Variants in PGBD1 observed in about 807,000 individuals in gnomAD.
PGBD1 encodes piggyBac transposable element derived 1, also known as piggyBac transposable element-derived protein 1.
Under a neutral mutation model 34.7 loss-of-function variants are expected in PGBD1, and 25 were observed. The observed-to-expected ratio is 0.72, with a 90% CI of 0.52 to 1.00. The LOEUF (loss-of-function observed/expected upper bound fraction) is 1.00, where lower values mean the gene tolerates loss of function less well. Among genes scored for constraint, PGBD1 ranks in the 50% least tolerant of loss-of-function variants. The pLI, the probability that PGBD1 is intolerant of heterozygous loss-of-function variation, is 0.00. For synonymous variants in PGBD1, 292 were observed against 335.7 expected (o/e 0.87, Z 1.42); for missense variants, 830 against 959.4 (o/e 0.87, Z 1.78).
intron 4 of PGBD1, among the ~76,000 whole-genome samples, chr6:28,293,807 TTTTCC>T (rs1450004097): frequency 1.3e-5 from 2 of 152,206 alleles, no homozygotes; most frequent in African/African-American, 4.8e-5. Flanking sequence ...CCCTCATCTC[TTTTCC>T]TTTCCTTGGT....
In PGBD1 at chr6:28,300,926, T is replaced by C; in HGVS notation, c.1072T>C (p.Ser358Pro). ...AGTGAGTGAACTGCTCCAAGGCCTC[T>C]CATTCTCTGGTGACTCAGATGTGGA... is the stretch of plus-strand genomic sequence containing the variant. ...ARVSELLQGL[S>P]FSGDSDVEKD... Residue 358 changes from serine (S) to proline (P), a missense_variant, in exon 7 of 7, where the codon TCA becomes CCA. Ser to Pro is a moderately conservative substitution (Grantham distance 74, BLOSUM62 -1). This residue lies in a region of PGBD1 where 457 missense variants were observed against 515.4 expected (regional missense o/e 0.89). Transcript: ENST00000682144. This position sits in a 1 kb window ranked among gnomAD's most constrained non-coding sequence, Gnocchi z 4.0. The C allele has an allele frequency of 6.2e-7, 1 of 1,614,124 alleles. No individual in the cohort carries two copies. Among genetic ancestry groups the C allele is most frequent in the Non-Finnish European group, 8.5e-7 (1 of 1,180,026 alleles).
intron 4 of PGBD1, among the ~76,000 whole-genome samples, chr6:28,295,833 C>T (rs1762612312): frequency 6.6e-6 from 1 of 151,982 alleles, no homozygotes; most frequent in Non-Finnish European, 1.5e-5. Context: ...CTGAGGTAGG[C>T]CTATGTTTAA....
chr6:28,294,719 G>A (rs973604259), intron 4 of PGBD1, among the ~76,000 whole-genome samples: 1 of 152,106 alleles, frequency 6.6e-6, no homozygotes, highest in African/African-American at 2.4e-5. Context: ...CTACTGTTGA[G>A]ACATACTACT....
At position 28,301,925 on chromosome 6, in the gene PGBD1, G is replaced by A. The variant is rs1320752051; in HGVS notation, c.2071G>A (p.Gly691Arg). The A allele has an allele frequency of 6.2e-7, 1 of 1,614,138 alleles. No individual in the cohort carries two copies. Among genetic ancestry groups the A allele is most frequent in the African/African-American group, 1.3e-5 (1 of 75,044 alleles). Residue 691 changes from glycine (G) to arginine (R), a missense_variant, in exon 7 of 7, where the codon GGG becomes AGG. Around this residue, in one of 3 missense-constraint regions of PGBD1, gnomAD observed 372 missense variants for 427.9 expected, o/e 0.87. Transcript: ENST00000682144. ...NNEIILCRWY[G>R]DGIISLCSNA... The stretch of plus-strand genomic sequence containing the variant: ...TGAGATAATTTTGTGTCGTTGGTAT[G>A]GGGATGGCATTATCAGTCTGTGCTC...
At chr6:28,299,722 G>A (rs992431426) in intron 6 of PGBD1, among the ~76,000 whole-genome samples, 3 of 152,160 alleles carry the variant, frequency 2.0e-5, no homozygotes, top group African/African-American at 7.2e-5. Context: ...ATACTTTTCA[G>A]TTGGGTGCAG....
chr6:28,291,466 A>G (rs1022774277), intron 4 of PGBD1, among the ~76,000 whole-genome samples: 3 of 152,006 alleles, frequency 2.0e-5, no homozygotes, highest in Non-Finnish European at 4.4e-5. Flanking sequence ...CTTCCATCAA[A>G]GAAAAGCCCA....
At chr6:28,297,845 T>TTTTAAAAATAAAA in intron 5 of PGBD1, 50 bp from the exon 6 acceptor site, 1 of 283,634 alleles carries the variant, frequency 3.5e-6, no homozygotes, top group Non-Finnish European at 6.6e-6. Flanking sequence ...TTTTTTTTTT[T>TTTTAAAAATAAAA]CAAAATTCAC....
At chr6:28,286,989 A>G in intron 3 of PGBD1, 91 bp from the exon 4 acceptor site, 1 of 951,000 alleles carries the variant, frequency 1.1e-6, no homozygotes, top group South Asian at 1.3e-5. Context: ...TTTAACAAAC[A>G]TAACATTTGG....
intron 4 of PGBD1, among the ~76,000 whole-genome samples, chr6:28,295,337 G>A (rs1033616200): frequency 1.3e-4 from 20 of 152,198 alleles, no homozygotes; most frequent in African/African-American, 4.3e-4. Flanking sequence ...TTAAATAAAC[G>A]TAGTTGATAA....
intron 2 of PGBD1, among the ~76,000 whole-genome samples, chr6:28,285,301 C>T (rs555549095): frequency 6.6e-6 from 1 of 152,292 alleles, no homozygotes; most frequent in South Asian, 2.1e-4. Context: ...TTACCATTTT[C>T]CCCTTTGTAA....
In PGBD1 at chr6:28,283,943, C is replaced by T. The variant is rs143001863; in HGVS notation, c.130C>T (p.Arg44Cys). ...EGSSHTQEICRLRFRHFCYQE... is the reference protein window; with the variant it reads ...EGSSHTQEICCLRFRHFCYQE... ...CAGCTCCCACACTCAGGAGATTTGC[C>T]GCCTGCGCTTTCGGCACTTCTGCTA... Residue 44 changes from arginine to cysteine, a missense_variant, in exon 2 of 7, where the codon CGC becomes TGC. This residue lies in a region of PGBD1 where 457 missense variants were observed against 515.4 expected (regional missense o/e 0.89). Coordinates refer to ENST00000682144, the MANE Select transcript of PGBD1 (RefSeq NM_032507.4). The T allele has an allele frequency of 3.2e-5, 51 of 1,614,044 alleles. No homozygotes were observed. Among genetic ancestry groups the T allele is most frequent in the African/African-American group, 8.0e-5 (6 of 74,906 alleles).
intron 4 of PGBD1, among the ~76,000 whole-genome samples, chr6:28,290,977 T>A (rs1482285437): frequency 2.0e-5 from 3 of 151,746 alleles, no homozygotes; most frequent in African/African-American, 7.3e-5. Flanking sequence ...TTTATAGCAA[T>A]AAACACCTAT....
At chr6:28,285,445 TTTC>T in intron 2 of PGBD1, 103 bp from the exon 3 acceptor site, 1 of 1,242,944 alleles carries the variant, frequency 8.0e-7, no homozygotes, top group Non-Finnish European at 1.1e-6. Flanking sequence ...TTGCCTGTCT[TTTC>T]TGCCTTGTTT....
intron 4 of PGBD1, 40 bp downstream of exon 4, chr6:28,287,208 G>T (rs749632377): frequency 6.0e-6 from 9 of 1,501,558 alleles, no homozygotes; most frequent in Non-Finnish European, 8.4e-6. Context: ...ATCAGTAGTG[G>T]TCTTTCTCCC....
chr6:28,283,771 T>TATAGA lies in PGBD1; in HGVS notation c.-38-4_-38dup, dbSNP rs777792711. On this transcript the variant is annotated splice_region_variant and splice_polypyrimidine_tract_variant and intron_variant, in intron 1 of 6. Transcript: ENST00000682144. ...TATGCCTCAGATCTCTATTTCTGAA[T>TATAGA]ATAGACCCCAAGCTAAGTGAAGCTT... The TATAGA allele has an allele frequency of 5.9e-6, 9 of 1,519,386 alleles. No individual in the cohort carries two copies. Among genetic ancestry groups the TATAGA allele is most frequent in the Non-Finnish European group, 6.2e-6 (7 of 1,134,506 alleles). 94.1% of individuals were successfully genotyped at this position (1,519,386 alleles called of 1,614,324 possible).
chr6:28,297,845 T>TTTAAAATAAAA, intron 5 of PGBD1, 50 bp from the exon 6 acceptor site: 2 of 283,632 alleles, frequency 7.1e-6, no homozygotes, highest in Non-Finnish European at 6.6e-6. Context: ...TTTTTTTTTT[T>TTTAAAATAAAA]CAAAATTCAC....
Position 28,284,036 on chromosome 6 carries a change from C to A in PGBD1, c.223C>A (p.Pro75Thr), listed in dbSNP as rs915644133. 2.5e-6 allele frequency: 4 copies of A among 1,614,130 alleles called. No homozygotes were observed. The highest frequency in any genetic ancestry group is 3.4e-6 in the Non-Finnish European group (4 of 1,179,992). ...LRELCHQWLR[P>T]EMHTKEQIME... is the part of the protein sequence containing the mutation. Reference sequence around the variant, plus strand: ...AGAACTTTGTCATCAATGGCTGAGACCGGAGATGCACACCAAGGAACAGAT... The same window carrying A: ...AGAACTTTGTCATCAATGGCTGAGAACGGAGATGCACACCAAGGAACAGAT... Residue 75 changes from proline to threonine, a missense_variant, in exon 2 of 7, where the codon CCG becomes ACG. Coordinates refer to ENST00000682144, the MANE Select transcript of PGBD1 (RefSeq NM_032507.4).
At chr6:28,290,164 C>T (rs1762402751) in intron 4 of PGBD1, among the ~76,000 whole-genome samples, 1 of 152,172 alleles carries the variant, frequency 6.6e-6, no homozygotes, top group African/African-American at 2.4e-5. Context: ...GGTATCATCT[C>T]AGCTCACTGC....
At chr6:28,295,179 G>A (rs1304097654) in intron 4 of PGBD1, among the ~76,000 whole-genome samples, 1 of 152,178 alleles carries the variant, frequency 6.6e-6, no homozygotes, top group East Asian at 1.9e-4. Flanking sequence ...ATTAGAAGTG[G>A]AACCTGAAGA....
Sources: gnomAD v4.1 joint callset for allele counts (sites outside exome capture counted in the v4.1 genomes callset) on GRCh38, gnomAD v4.1.1 for gene constraint, gnomAD v4.1.1 regional missense constraint, Gnocchi (gnomAD v3.1) non-coding constraint, MANE v1.5 for transcripts, NCBI Gene and HGNC (gene_info 2026-07-23, HGNC 2026-07-21) for gene names.